DCDC2: variants seen among roughly 807,000 people sequenced by gnomAD.
DCDC2 encodes doublecortin domain containing 2.
In DCDC2, 40 loss-of-function variants were observed where a neutral mutation model predicts 50.2. The observed-to-expected ratio is 0.80, with a 90% confidence interval of 0.62 to 1.04. The LOEUF (loss-of-function observed/expected upper bound fraction) is 1.04. Ranked by LOEUF, DCDC2 falls within the 50% of genes least tolerant of loss-of-function variation. The probability of loss-of-function intolerance (pLI) is 0.00; values close to 1 mark genes in which losing one functional copy is unlikely to be tolerated. For synonymous variants in DCDC2, 234 were observed against 210.6 expected, an observed-to-expected ratio of 1.11 and a Z score of -0.96; for missense variants, 570 against 581.9, an observed-to-expected ratio of 0.98 and a Z score of 0.21.
intron 9 of DCDC2, among the ~76,000 whole-genome samples, chr6:24,176,058 C>A (rs1280566255): frequency 6.6e-6 from 1 of 151,836 alleles, no homozygotes; most frequent in African/African-American, 2.4e-5. Flanking sequence ...TTTGAGAGGT[C>A]AAGGCAAGAG....
At chr6:24,207,913 G>T (rs1244700816) in intron 7 of DCDC2, among the ~76,000 whole-genome samples, 1 of 152,102 alleles carries the variant, frequency 6.6e-6, no homozygotes, top group Admixed American at 6.5e-5. Flanking sequence ...TAATTCAAAA[G>T]AATCCTTGGC....
At chr6:24,331,665 AAAGT>A (rs1173545220) in intron 2 of DCDC2, among the ~76,000 whole-genome samples, 2 of 152,170 alleles carry the variant, frequency 1.3e-5, no homozygotes, top group South Asian at 2.1e-4. Context: ...ATAATTATAT[AAAGT>A]AACTTCTTTT....
chr6:24,205,122 G>A lies in DCDC2; in HGVS notation c.923-20C>T. 1.2e-6 allele frequency: 2 copies of A among 1,614,096 alleles called. No homozygotes were observed. The highest frequency in any genetic ancestry group is 1.3e-5 in the African/African-American group (1 of 75,036). Reference sequence around the variant, plus strand: ...CTTCATCTATTGAGACAAACACACAGTGAAAATCAAAATCCAATTGTGACA... The same window carrying A: ...CTTCATCTATTGAGACAAACACACAATGAAAATCAAAATCCAATTGTGACA... On this transcript the variant is annotated intron_variant, in intron 7 of 9. Coordinates refer to ENST00000378454, the MANE Select transcript of DCDC2 (RefSeq NM_016356.5).
At chr6:24,295,079 T>C (rs1414296600) in intron 4 of DCDC2, among the ~76,000 whole-genome samples, 1 of 152,112 alleles carries the variant, frequency 6.6e-6, no homozygotes, top group African/African-American at 2.4e-5. Context: ...CTCAACAAAA[T>C]ACTTGCAAAC....
intron 2 of DCDC2, among the ~76,000 whole-genome samples, chr6:24,333,016 C>T (rs1759993265): frequency 6.6e-6 from 1 of 152,076 alleles, no homozygotes; most frequent in African/African-American, 2.4e-5. Flanking sequence ...GGGAACTGAC[C>T]TAGTTAGGAA....
At chr6:24,241,363 C>T (rs1360174531) in intron 7 of DCDC2, among the ~76,000 whole-genome samples, 9 of 152,272 alleles carry the variant, frequency 5.9e-5, no homozygotes, top group East Asian at 1.9e-4. Flanking sequence ...CACATAATCA[C>T]GCACTCCTAA....
At chr6:24,276,251 A>C (rs1406139682) in intron 7 of DCDC2, among the ~76,000 whole-genome samples, 2 of 152,178 alleles carry the variant, frequency 1.3e-5, no homozygotes, top group African/African-American at 4.8e-5. Context: ...AAGTTTTTAC[A>C]AATGAGATAA....
the DCDC2 span, among the ~76,000 whole-genome samples, chr6:24,371,066 A>G: frequency 1.3e-5 from 2 of 152,232 alleles, no homozygotes; most frequent in Admixed American, 1.3e-4. Flanking sequence ...ACCTGAGGTC[A>G]GGAGTTCAAG....
chr6:24,313,509 G>A (rs914501388), intron 2 of DCDC2, among the ~76,000 whole-genome samples: 3 of 152,120 alleles, frequency 2.0e-5, no homozygotes, highest in Non-Finnish European at 4.4e-5. Flanking sequence ...ATGGGATTTT[G>A]GTTATCAAAC....
chr6:24,285,783 T>C (rs1763592139), intron 6 of DCDC2, among the ~76,000 whole-genome samples: 2 of 152,220 alleles, frequency 1.3e-5, no homozygotes, highest in African/African-American at 4.8e-5. Context: ...ATTCCAAAGT[T>C]CAGTCACTGT....
chr6:24,183,482 G>A (rs962339901), intron 8 of DCDC2, among the ~76,000 whole-genome samples: 1 of 152,122 alleles, frequency 6.6e-6, no homozygotes, highest in African/African-American at 2.4e-5. Context: ...ACTTCCAAGG[G>A]GGAAGAAGGT....
chr6:24,293,598 C>G (rs946847812), intron 4 of DCDC2, among the ~76,000 whole-genome samples: 2 of 152,206 alleles, frequency 1.3e-5, no homozygotes, highest in African/African-American at 2.4e-5. Context: ...AACTTCAACA[C>G]TCCACTGACA....
At chr6:24,378,788 T>C in the DCDC2 span, among the ~76,000 whole-genome samples, 21 of 152,042 alleles carry the variant, frequency 1.4e-4, no homozygotes, top group African/African-American at 4.3e-4. Context: ...GCAGAAATCA[T>C]TTTAAAAACC....
At chr6:24,246,726 A>G (rs1762685339) in intron 7 of DCDC2, among the ~76,000 whole-genome samples, 1 of 151,872 alleles carries the variant, frequency 6.6e-6, no homozygotes, top group South Asian at 2.1e-4. Context: ...ACCTCAGGTG[A>G]TCTGCCCGCC....
At chr6:24,300,362 A>T (rs1029342952) in intron 4 of DCDC2, among the ~76,000 whole-genome samples, 1 of 152,244 alleles carries the variant, frequency 6.6e-6, no homozygotes, top group South Asian at 2.1e-4. Flanking sequence ...AGCCTGGGTG[A>T]CACAGCGAGA....
chr6:24,204,035 T>C (rs1016201239), intron 8 of DCDC2, among the ~76,000 whole-genome samples: 1 of 152,164 alleles, frequency 6.6e-6, no homozygotes, highest in Non-Finnish European at 1.5e-5. Context: ...TTTACACTGT[T>C]GGTGGGAGTG....
At chr6:24,242,042 G>C (rs937133179) in intron 7 of DCDC2, among the ~76,000 whole-genome samples, 3 of 151,968 alleles carry the variant, frequency 2.0e-5, no homozygotes, top group Non-Finnish European at 4.4e-5. Flanking sequence ...TGCTGTGGTG[G>C]TGCATGCCTG....
rs150071306 is a variant in DCDC2, at chr6:24,311,132, T to C, written c.349-9088A>G. The stretch of plus-strand genomic sequence containing the variant: ...TGGCTTCAGATGATGTCCTCGTGTC[T>C]TGGACTGGACTTGATTATTTGGATC... On this transcript the variant is annotated intron_variant, in intron 2 of 9. Coordinates refer to ENST00000378454, the MANE Select transcript of DCDC2 (RefSeq NM_016356.5). Among the ~76,000 whole-genome samples the C allele has an allele frequency of 7.2e-5, 11 of 152,326 alleles. No individual in the cohort carries two copies. The East Asian group carries it at 1.7e-3, about 24-fold the overall frequency.
At chr6:24,358,284 G>T (rs576606721), upstream of DCDC2, 3 of 193,940 alleles carry the variant, frequency 1.5e-5, no homozygotes. Context: ...TAAGTTCCTG[G>T]ATGTAGTTGC....
Sources: gnomAD v4.1 joint callset for allele counts (sites outside exome capture counted in the v4.1 genomes callset) on GRCh38, gnomAD v4.1.1 for gene constraint, MANE v1.5 for transcripts, NCBI Gene and HGNC (gene_info 2026-07-23, HGNC 2026-07-21) for gene names.